The following TSPEAR variants were observed in gnomAD, a reference collection of about 807,000 sequenced individuals.
TSPEAR encodes the protein thrombospondin-type laminin G domain and EAR repeat-containing protein.
In TSPEAR, 69 loss-of-function variants were observed where a neutral mutation model predicts 71.6. The ratio of observed to expected loss-of-function variants is 0.96; its 90% CI spans 0.79 to 1.18. The LOEUF (loss-of-function observed/expected upper bound fraction) is 1.18. Ranked by LOEUF, TSPEAR falls within the 50% of genes most tolerant of loss-of-function variation. The pLI, the probability that TSPEAR is intolerant of heterozygous loss-of-function variation, is 0.00. For missense variants in TSPEAR, 971 were observed against 894.9 expected, an observed-to-expected ratio of 1.09 and a Z score of -1.09; for synonymous variants, 402 against 387.2, an observed-to-expected ratio of 1.04 and a Z score of -0.45.
intron 1 of TSPEAR, among the ~76,000 whole-genome samples, chr21:44,585,409 C>T (rs1329504703): frequency 1.3e-5 from 2 of 152,216 alleles, no homozygotes; most frequent in Non-Finnish European, 2.9e-5. Flanking sequence ...TTCATCCCCT[C>T]GGTCCCATCT....
chr21:44,519,701 GC>G (rs1472761610), intron 9 of TSPEAR: 1 of 152,304 alleles, frequency 6.6e-6, no homozygotes, highest in Non-Finnish European at 1.5e-5. Flanking sequence ...TCTGTCCCGT[GC>G]CACATCAAAC....
intron 9 of TSPEAR, among the ~76,000 whole-genome samples, chr21:44,521,149 G>A (rs1555914196): frequency 6.6e-6 from 1 of 152,218 alleles, no homozygotes; most frequent in Non-Finnish European, 1.5e-5. Context: ...CCAGCAAACA[G>A]TGGGAGTGCT....
At chr21:44,666,679 A>G in intron 1 of TSPEAR, 4 of 1,613,270 alleles carry the variant, frequency 2.5e-6, no homozygotes, top group Non-Finnish European at 3.4e-6. Context: ...GCTGACTTGA[A>G]GCTCATGGGC....
chr21:44,600,938 A>C (rs781824790), intron 1 of TSPEAR: 67 of 1,611,850 alleles, frequency 4.2e-5, no homozygotes, highest in Middle Eastern at 1.7e-4. Context: ...TCCCCCTGCC[A>C]GCAGGCCTGC....
chr21:44,616,178 C>T (rs932245828), intron 1 of TSPEAR, among the ~76,000 whole-genome samples: 3 of 152,214 alleles, frequency 2.0e-5, no homozygotes, highest in Middle Eastern at 3.2e-3. Context: ...CACATCTGTT[C>T]GATGCAGGCA....
intron 9 of TSPEAR, chr21:44,510,712 G>T (rs1349581151): frequency 6.6e-6 from 1 of 152,326 alleles, no homozygotes; most frequent in African/African-American, 2.4e-5. Flanking sequence ...GGGCTGCAGG[G>T]GAGGGCGCCA....
intron 1 of TSPEAR, among the ~76,000 whole-genome samples, chr21:44,664,713 A>G (rs1272806504): frequency 6.6e-6 from 1 of 152,236 alleles, no homozygotes; most frequent in African/African-American, 2.4e-5. Context: ...AAAGATACTT[A>G]GCATATGACC....
chr21:44,709,983 G>T (rs1379263257), intron 1 of TSPEAR, among the ~76,000 whole-genome samples: 1 of 152,108 alleles, frequency 6.6e-6, no homozygotes, highest in African/African-American at 2.4e-5. Context: ...AGAGGGGGAG[G>T]GCTTTATAAA....
At chr21:44,581,308 T>G (rs1978956059) in intron 1 of TSPEAR, among the ~76,000 whole-genome samples, 1 of 152,258 alleles carries the variant, frequency 6.6e-6, no homozygotes, top group South Asian at 2.1e-4. Flanking sequence ...AGGACATACA[T>G]TTTAAGATTT....
chr21:44,557,523 GA>G (rs1455361329), intron 2 of TSPEAR, among the ~76,000 whole-genome samples: 4 of 152,228 alleles, frequency 2.6e-5, no homozygotes, highest in African/African-American at 9.6e-5. Flanking sequence ...AGGAAGGAGA[GA>G]GGGGGAGGAG....
intron 8 of TSPEAR, among the ~76,000 whole-genome samples, chr21:44,524,824 T>C (rs1294877089): frequency 6.6e-6 from 1 of 151,694 alleles, no homozygotes; most frequent in Non-Finnish European, 1.5e-5. Flanking sequence ...AGTCAGGTAG[T>C]TAGTCAATCA....
At position 44,580,001 on chromosome 21, in the gene TSPEAR, G is replaced by A. The variant is rs200179428; in HGVS notation, c.83-11996C>T. Reference sequence around the variant, plus strand: ...CTGGCAGCATGAAGTGGAAGCCCCAGAGCAGACGGGCACACAGCAGATGGG... The same window carrying A: ...CTGGCAGCATGAAGTGGAAGCCCCAAAGCAGACGGGCACACAGCAGATGGG... On this transcript the variant is annotated intron_variant, in intron 1 of 11. Transcript: ENST00000323084. 3 of 1,595,986 alleles carry A rather than the reference G, an allele frequency of 1.9e-6. No individual in the cohort carries two copies. Among genetic ancestry groups the A allele is most frequent in the South Asian group, 1.1e-5 (1 of 90,400 alleles).
chr21:44,702,084 A>G, intron 1 of TSPEAR: 2 of 776,470 alleles, frequency 2.6e-6, no homozygotes, highest in Non-Finnish European at 4.0e-6. Flanking sequence ...ACACGTTCCT[A>G]TGAGAGGGAG....
At chr21:44,521,299 G>T (rs2052728286) in intron 9 of TSPEAR, among the ~76,000 whole-genome samples, 1 of 152,356 alleles carries the variant, frequency 6.6e-6, no homozygotes, top group South Asian at 2.1e-4. Context: ...CAGCACACTT[G>T]CTGGGAGCAG....
intron 11 of TSPEAR, among the ~76,000 whole-genome samples, chr21:44,503,541 T>G (rs1601315734): frequency 3.7e-5 from 3 of 82,118 alleles, no homozygotes; most frequent in Admixed American, 1.3e-4. Flanking sequence ...CCGGCCTTGG[T>G]GAGCCCACAG....
intron 1 of TSPEAR, chr21:44,682,049 G>C (rs1555948144): frequency 6.2e-7 from 1 of 1,614,086 alleles, no homozygotes; most frequent in South Asian, 1.1e-5. Flanking sequence ...CCACGGGGAT[G>C]TAACAGGATG....
rs1555916040 is a variant in TSPEAR at position 44,533,841 on chromosome 21, T to C, written c.386A>G (p.His129Arg). The change falls in exon 3 of 12, where the codon CAC (histidine) becomes CGC (arginine). Residue 129 changes from histidine (H) to arginine (R), a missense_variant. Transcript: ENST00000323084. ...CGTGTCCTCGCGAAGGAACAGGAAG[T>C]GCAGCTGGGCAGGTGACAACCGCAG... ...LGLRLSPAQL[H>R]FLFLREDTAG... 6.2e-7 allele frequency: 1 copy of C among 1,612,408 alleles called. No homozygotes were observed. Among genetic ancestry groups the C allele is most frequent in the Non-Finnish European group, 8.5e-7 (1 of 1,179,894 alleles).
intron 5 of TSPEAR, 112 bp from the exon 6 acceptor site, chr21:44,528,695 G>A (rs1555915291): frequency 7.3e-7 from 1 of 1,372,956 alleles, no homozygotes; most frequent in African/African-American, 1.5e-5. Flanking sequence ...CTGCATGCGG[G>A]CCTGGAAGGG....
chr21:44,657,516 G>C (rs968990735), intron 1 of TSPEAR, among the ~76,000 whole-genome samples: 1 of 152,178 alleles, frequency 6.6e-6, no homozygotes, highest in Non-Finnish European at 1.5e-5. Context: ...AACAGGCAGT[G>C]GGCCAAATGT....
Sources: gnomAD v4.1 joint callset for allele counts (sites outside exome capture counted in the v4.1 genomes callset) on GRCh38, gnomAD v4.1.1 for gene constraint, MANE v1.5 for transcripts, NCBI Gene and HGNC (gene_info 2026-07-23, HGNC 2026-07-21) for gene names.